DPP10: variants seen among roughly 807,000 people sequenced by gnomAD.
DPP10 encodes dipeptidyl peptidase like 10.
DPP10 carries 33 observed loss-of-function variants against 120.9 expected under a neutral mutation model. That is an observed-to-expected ratio of 0.27 (90% CI 0.21 to 0.37). The LOEUF is 0.37. DPP10 is among the 10% of genes least tolerant of loss of function. The pLI is 1.00. For missense variants in DPP10, 816 were observed against 942.8 expected (o/e 0.87, Z 1.76); for synonymous variants, 337 against 326.1 (o/e 1.03, Z -0.36).
intron 1 of DPP10, among the ~76,000 whole-genome samples, chr2:115,004,472 A>T (rs1381416459): frequency 2.7e-5 from 4 of 150,772 alleles, no homozygotes; most frequent in South Asian, 2.1e-4. Flanking sequence ...TCATCTCACT[A>T]GGGAGTGCCA....
chr2:115,614,625 A>G (rs1230577628), intron 5 of DPP10, among the ~76,000 whole-genome samples: 1 of 152,090 alleles, frequency 6.6e-6, no homozygotes, highest in East Asian at 1.9e-4. Flanking sequence ...GGTTTTCGTT[A>G]TGTTGGCCAG....
chr2:114,448,066 A>G (rs543229973), intron 1 of DPP10, among the ~76,000 whole-genome samples: 21 of 152,206 alleles, frequency 1.4e-4, no homozygotes, highest in Non-Finnish European at 2.6e-4. Context: ...ATTTATTTCA[A>G]ATTACTATAA....
At chr2:114,714,120 C>T (rs918415167) in intron 1 of DPP10, among the ~76,000 whole-genome samples, 5 of 150,146 alleles carry the variant, frequency 3.3e-5, no homozygotes, top group Non-Finnish European at 5.9e-5. Flanking sequence ...CGCGTGCGTG[C>T]GCTCATGAGT....
intron 1 of DPP10, among the ~76,000 whole-genome samples, chr2:114,455,559 A>G (rs1016488774): frequency 2.6e-5 from 4 of 151,676 alleles, no homozygotes; most frequent in Non-Finnish European, 5.9e-5. Context: ...AAAAAAAAAA[A>G]TGTAAATACA....
intron 1 of DPP10, among the ~76,000 whole-genome samples, chr2:115,192,553 T>C (rs908313350): frequency 1.3e-5 from 2 of 152,218 alleles, no homozygotes; most frequent in Non-Finnish European, 2.9e-5. Context: ...TCTAGCAATA[T>C]CCAGTTTCCT....
chr2:114,586,691 G>A (rs935828952), intron 1 of DPP10, among the ~76,000 whole-genome samples: 1 of 152,180 alleles, frequency 6.6e-6, no homozygotes, highest in African/African-American at 2.4e-5. Context: ...GTTGGAGGTG[G>A]GGCCTGGTGA....
intron 1 of DPP10, among the ~76,000 whole-genome samples, chr2:114,511,491 A>G (rs1684143956): frequency 6.6e-6 from 1 of 152,212 alleles, no homozygotes; most frequent in Non-Finnish European, 1.5e-5. Context: ...ATCAGTGGCT[A>G]TTTTTGAACA....
intron 1 of DPP10, among the ~76,000 whole-genome samples, chr2:115,266,454 G>A (rs1314586366): frequency 6.6e-6 from 1 of 152,130 alleles, no homozygotes; most frequent in African/African-American, 2.4e-5. Context: ...TTTAGTAGGA[G>A]TTATATTGAA....
intron 1 of DPP10, among the ~76,000 whole-genome samples, chr2:115,104,571 C>T (rs141533077): frequency 5.7e-4 from 87 of 152,154 alleles, no homozygotes; most frequent in Non-Finnish European, 1.1e-3. Flanking sequence ...AGGTTTCATC[C>T]CTGTTTTTTG....
At chr2:115,834,577 A>G (rs901516832) in intron 21 of DPP10, among the ~76,000 whole-genome samples, 15 of 152,154 alleles carry the variant, frequency 9.9e-5, no homozygotes, top group African/African-American at 2.9e-4. Flanking sequence ...TTGGTCTACA[A>G]AAGAAAACTG....
intron 1 of DPP10, among the ~76,000 whole-genome samples, chr2:115,276,976 T>C (rs2059945105): frequency 6.6e-6 from 1 of 152,206 alleles, no homozygotes; most frequent in Admixed American, 6.5e-5. Flanking sequence ...TAGTTTCAAA[T>C]TATAAAAGTT....
At chr2:115,372,728 G>A (rs1036984368) in intron 3 of DPP10, among the ~76,000 whole-genome samples, 8 of 152,194 alleles carry the variant, frequency 5.3e-5, no homozygotes, top group East Asian at 1.9e-4. Flanking sequence ...ATCATATGAA[G>A]TAAACACATA....
At chr2:114,985,484 C>T (rs969988061) in intron 1 of DPP10, among the ~76,000 whole-genome samples, 2 of 152,198 alleles carry the variant, frequency 1.3e-5, no homozygotes, top group Non-Finnish European at 2.9e-5. Context: ...GAACAGCAAC[C>T]TATTCTGCCT....
intron 19 of DPP10, among the ~76,000 whole-genome samples, chr2:115,792,753 A>G (rs150809286): frequency 1.3e-3 from 199 of 152,306 alleles, no homozygotes; most frequent in Non-Finnish European, 1.6e-3. Flanking sequence ...CCCATCTTCT[A>G]TCTCAGTCAC....
chr2:115,591,796 A>G (rs1358655621), intron 5 of DPP10, among the ~76,000 whole-genome samples: 4 of 152,138 alleles, frequency 2.6e-5, no homozygotes, highest in African/African-American at 9.7e-5. Context: ...AGCATAGAAC[A>G]TTCTTCCATT....
chr2:114,586,396 C>A (rs1378135625), intron 1 of DPP10, among the ~76,000 whole-genome samples: 1 of 152,166 alleles, frequency 6.6e-6, no homozygotes, highest in Non-Finnish European at 1.5e-5. Flanking sequence ...GGTTCAGCAT[C>A]CCTGCGTCAC....
At chr2:115,432,659 T>TTTTGTGTG (rs1219114609) in intron 3 of DPP10, among the ~76,000 whole-genome samples, 9 of 137,756 alleles carry the variant, frequency 6.5e-5, no homozygotes, top group Middle Eastern at 4.2e-3. Context: ...ATAGGCAATT[T>TTTTGTGTG]TGTGTGTGTG....
rs143984486 is a variant in DPP10, at chr2:115,569,592, G to T, written c.441+43620G>T. Among the ~76,000 whole-genome samples the T allele has an allele frequency of 1.2e-3, 181 of 152,186 alleles. 6 individuals are homozygous for T. The East Asian group carries it at 0.032, about 27-fold the overall frequency. ...TCTACGCAATCAAGGGATATTTTTG[G>T]TCTATTTGATGCGAGAATTATATGA... is the stretch of plus-strand genomic sequence containing the variant. On this transcript the variant is annotated intron_variant, in intron 5 of 25. Coordinates refer to ENST00000410059, the MANE Select transcript of DPP10 (RefSeq NM_020868.6).
chr2:115,265,695 A>G (rs929173002), intron 1 of DPP10, among the ~76,000 whole-genome samples: 2 of 152,148 alleles, frequency 1.3e-5, no homozygotes, highest in African/African-American at 4.8e-5. Flanking sequence ...AATGGTGGCC[A>G]GGGATAAGGG....
Sources: gnomAD v4.1 joint callset for allele counts (sites outside exome capture counted in the v4.1 genomes callset) on GRCh38, gnomAD v4.1.1 for gene constraint, MANE v1.5 for transcripts, NCBI Gene and HGNC (gene_info 2026-07-23, HGNC 2026-07-21) for gene names.